MAPKAP1: variants seen among roughly 807,000 people sequenced by gnomAD.
MAPKAP1 encodes the protein MAPK associated protein 1, also known as target of rapamycin complex 2 subunit MAPKAP1.
In MAPKAP1, 20 loss-of-function variants were observed where a neutral mutation model predicts 65.7. That is an observed-to-expected ratio of 0.30 (90% CI 0.21 to 0.44). The LOEUF (loss-of-function observed/expected upper bound fraction) is 0.44. MAPKAP1 is among the 20% of genes least tolerant of loss of function. The probability of loss-of-function intolerance (pLI) is 1.00; values close to 1 mark genes in which losing one functional copy is unlikely to be tolerated. For missense variants in MAPKAP1, 423 were observed against 648.0 expected, an observed-to-expected ratio of 0.65 and a Z score of 3.77; for synonymous variants, 222 against 244.3, an observed-to-expected ratio of 0.91 and a Z score of 0.85.
At position 125,657,813 on chromosome 9, in the gene MAPKAP1, G is replaced by A. The variant is rs1017181250; in HGVS notation, c.350-14C>T. On this transcript the variant is annotated splice_polypyrimidine_tract_variant and intron_variant, in intron 3 of 11. Coordinates refer to ENST00000265960, the MANE Select transcript of MAPKAP1 (RefSeq NM_001006617.3). The stretch of plus-strand genomic sequence containing the variant: ...TTAACTCCTGGGCTGTGATACAAGA[G>A]GAAGAAAAACATCTTTGTGATTACA... 3.7e-6 allele frequency: 6 copies of A among 1,609,684 alleles called. No homozygotes were observed. Among genetic ancestry groups the A allele is most frequent in the Non-Finnish European group, 5.1e-6 (6 of 1,178,588 alleles).
chr9:125,479,254 T>A (rs1405762489), intron 9 of MAPKAP1, among the ~76,000 whole-genome samples: 1 of 152,234 alleles, frequency 6.6e-6, no homozygotes, highest in Non-Finnish European at 1.5e-5. Flanking sequence ...CTGTGTCATA[T>A]GTTTCATTAA....
chr9:125,447,450 C>A lies in MAPKAP1; in HGVS notation c.1346-2852G>T, dbSNP rs1197568706. On this transcript the variant is annotated intron_variant, in intron 10 of 11. Transcript: ENST00000265960. The surrounding 1 kb of genome is among the most constrained non-coding windows in gnomAD (Gnocchi z 4.5). ...CACGGTGGACAGCCACAGCAGACAGCCCCCTCTTGCTCTCTGCAAGGAGTG... is the reference window on the plus strand; with the variant it reads ...CACGGTGGACAGCCACAGCAGACAGACCCCTCTTGCTCTCTGCAAGGAGTG... 1 of 456,550 alleles carries A rather than the reference C, an allele frequency of 2.2e-6. No individual in the cohort carries two copies. The highest frequency in any genetic ancestry group is 1.5e-5 in the South Asian group (1 of 64,576). The allele number at this position is 456,550 out of a possible 1,614,324, so 28.3% of individuals were successfully genotyped here. A position where few individuals can be genotyped will look rare whatever the true frequency, so the allele number is the denominator to read the frequency against.
At chr9:125,575,094 A>G (rs1447516209) in intron 5 of MAPKAP1, among the ~76,000 whole-genome samples, 1 of 152,242 alleles carries the variant, frequency 6.6e-6, no homozygotes, top group East Asian at 1.9e-4. Flanking sequence ...GCTCAGGCCT[A>G]TGATTCTAGT....
At position 125,559,651 on chromosome 9, in the gene MAPKAP1, TCTTTGGATGTCAGACCAGGAGATGAGTA is replaced by T; in HGVS notation, c.802_829del (p.Tyr268SerfsTer7). Reference sequence around the variant, plus strand: ...TACTCACATTCGAACAAAGAGTGACTCTTTGGATGTCAGACCAGGAGATGAGTACTTTTCAACCAGGGCCAAAGTACTG... The same window carrying T: ...TACTCACATTCGAACAAAGAGTGACTCTTTTCAACCAGGGCCAAAGTACTG... On this transcript the variant is annotated frameshift_variant, in exon 6 of 12. Transcript: ENST00000265960. LOFTEE classifies it high-confidence loss of function. The T allele has an allele frequency of 6.2e-7, 1 of 1,613,640 alleles. No individual in the cohort carries two copies. The highest frequency in any genetic ancestry group is 8.5e-7 in the Non-Finnish European group (1 of 1,179,758).
At chr9:125,697,840 C>T (rs1835431218) in intron 1 of MAPKAP1, among the ~76,000 whole-genome samples, 1 of 152,118 alleles carries the variant, frequency 6.6e-6, no homozygotes, top group African/African-American at 2.4e-5. Context: ...CATCTTACCA[C>T]CAATCTTTAT....
chr9:125,599,265 C>T (rs147748458), intron 4 of MAPKAP1, among the ~76,000 whole-genome samples: 152 of 152,292 alleles, frequency 1.0e-3, no homozygotes, highest in Non-Finnish European at 1.1e-3. Flanking sequence ...CTCTCTTGAA[C>T]ACCTTCACTG....
At chr9:125,448,841 C>A (rs1001377189) in intron 10 of MAPKAP1, among the ~76,000 whole-genome samples, 1 of 151,962 alleles carries the variant, frequency 6.6e-6, no homozygotes, top group Non-Finnish European at 1.5e-5. Context: ...CCTGTCTCTA[C>A]TAAAAATACA....
chr9:125,612,094 G>A (rs987131211), intron 4 of MAPKAP1, among the ~76,000 whole-genome samples: 1 of 152,122 alleles, frequency 6.6e-6, no homozygotes, highest in Non-Finnish European at 1.5e-5. Flanking sequence ...TGCTCCAAAG[G>A]AAATGCTTGT....
chr9:125,689,151 A>G, intron 1 of MAPKAP1, among the ~76,000 whole-genome samples: 1 of 151,936 alleles, frequency 6.6e-6, no homozygotes, highest in East Asian at 1.9e-4. Context: ...AATAAAGAAC[A>G]GGCCAGCCGG....
intron 1 of MAPKAP1, among the ~76,000 whole-genome samples, chr9:125,703,471 T>C (rs1009710853): frequency 1.3e-5 from 2 of 152,012 alleles, no homozygotes; most frequent in Non-Finnish European, 2.9e-5. Context: ...GCACCTCCCA[T>C]AGGGAAAAAA....
intron 4 of MAPKAP1, among the ~76,000 whole-genome samples, chr9:125,629,787 A>C (rs1269395815): frequency 6.6e-6 from 1 of 152,222 alleles, no homozygotes; most frequent in Non-Finnish European, 1.5e-5. Context: ...AAAATAAAAA[A>C]GAAAAGAAGA....
intron 8 of MAPKAP1, among the ~76,000 whole-genome samples, chr9:125,498,910 C>T (rs1402913007): frequency 6.6e-6 from 1 of 152,208 alleles, no homozygotes; most frequent in Non-Finnish European, 1.5e-5. Context: ...TGACTCCAAA[C>T]CTCGACACCT....
chr9:125,615,256 A>C (rs1039481733), intron 4 of MAPKAP1, among the ~76,000 whole-genome samples: 2 of 152,178 alleles, frequency 1.3e-5, no homozygotes, highest in African/African-American at 4.8e-5. Flanking sequence ...AATTTTACTA[A>C]AGATATTATA....
intron 4 of MAPKAP1, among the ~76,000 whole-genome samples, chr9:125,614,402 T>C (rs1034574480): frequency 1.2e-4 from 18 of 152,142 alleles, no homozygotes; most frequent in African/African-American, 3.6e-4. Flanking sequence ...GGTGGGCAGA[T>C]CACCTGAGGT....
chr9:125,678,391 C>A (rs1264448154), intron 1 of MAPKAP1, among the ~76,000 whole-genome samples: 2 of 152,112 alleles, frequency 1.3e-5, no homozygotes, highest in South Asian at 2.1e-4. Context: ...TACAGGCGCC[C>A]GCCACCACGC....
chr9:125,619,773 C>T (rs1832844820), intron 4 of MAPKAP1, among the ~76,000 whole-genome samples: 1 of 150,830 alleles, frequency 6.6e-6, no homozygotes, highest in African/African-American at 2.4e-5. Flanking sequence ...GCTATAGAGG[C>T]AAAAAATGTA....
intron 7 of MAPKAP1, among the ~76,000 whole-genome samples, chr9:125,512,690 T>C (rs755431517): frequency 6.6e-6 from 1 of 152,010 alleles, no homozygotes; most frequent in Non-Finnish European, 1.5e-5. Context: ...CACGCTATTC[T>C]CCTGCCTCAG....
chr9:125,496,223 G>T (rs377759991), intron 8 of MAPKAP1, among the ~76,000 whole-genome samples: 1 of 152,168 alleles, frequency 6.6e-6, no homozygotes, highest in East Asian at 1.9e-4. Flanking sequence ...GGACTCACAG[G>T]TATGTGGCGA....
At chr9:125,677,599 G>C (rs1834688167) in intron 1 of MAPKAP1, among the ~76,000 whole-genome samples, 1 of 152,076 alleles carries the variant, frequency 6.6e-6, no homozygotes, top group Non-Finnish European at 1.5e-5. Flanking sequence ...GGGAGGCTGA[G>C]GCATGAAAAT....
Sources: gnomAD v4.1 joint callset for allele counts (sites outside exome capture counted in the v4.1 genomes callset) on GRCh38, gnomAD v4.1.1 for gene constraint, Gnocchi (gnomAD v3.1) non-coding constraint, MANE v1.5 for transcripts, NCBI Gene and HGNC (gene_info 2026-07-23, HGNC 2026-07-21) for gene names.